RAB11FIP1: variants seen among roughly 807,000 people sequenced by gnomAD.
RAB11FIP1 encodes the protein RAB11 family interacting protein 1.
In RAB11FIP1, 49 loss-of-function variants were observed where a neutral mutation model predicts 83.1. The observed-to-expected ratio is 0.59, with a 90% CI of 0.47 to 0.75. The LOEUF (loss-of-function observed/expected upper bound fraction) is 0.75, where lower values mean the gene tolerates loss of function less well. Among genes scored for constraint, RAB11FIP1 ranks in the 30% least tolerant of loss-of-function variants. The pLI, the probability that RAB11FIP1 is intolerant of heterozygous loss-of-function variation, is 0.00. For synonymous variants in RAB11FIP1, 670 were observed against 656.0 expected, an observed-to-expected ratio of 1.02 and a Z score of -0.33; for missense variants, 1,536 against 1,598.7, an observed-to-expected ratio of 0.96 and a Z score of 0.67.
At position 37,872,157 on chromosome 8, in the gene RAB11FIP1, G is replaced by A. The variant is rs1369820329; in HGVS notation, c.2645C>T (p.Ala882Val). ...CTGGGAGGGGAGGAGGAGGTGATCCGCTGGGGAGGCTGGCGCACCACACGT... is the reference window on the plus strand; with the variant it reads ...CTGGGAGGGGAGGAGGAGGTGATCCACTGGGGAGGCTGGCGCACCACACGT... ...PATCGAPASP[A>V]DHLLLPSQEE... Residue 882 changes from alanine (A) to valine (V), a missense_variant, in exon 4 of 6, where the codon GCG (alanine) becomes GTG (valine). Ala to Val is a moderately conservative substitution (Grantham distance 64). Coordinates refer to ENST00000330843, the MANE Select transcript of RAB11FIP1 (RefSeq NM_001002814.3). 1.4e-5 allele frequency: 23 copies of A among 1,613,944 alleles called. No individual in the cohort carries two copies. The highest frequency in any genetic ancestry group is 6.7e-5 in the Admixed American group (4 of 60,006).
chr8:37,870,622 A>T, intron 4 of RAB11FIP1, 94 bp from the exon 5 acceptor site: 1 of 658,942 alleles, frequency 1.5e-6, no homozygotes, highest in East Asian at 2.8e-5. Flanking sequence ...AAGCCAGACA[A>T]GGGGCAGGTG....
chr8:37,865,819 A>G (rs532073817), intron 5 of RAB11FIP1, among the ~76,000 whole-genome samples: 1 of 152,246 alleles, frequency 6.6e-6, no homozygotes, highest in South Asian at 2.1e-4. Flanking sequence ...AATTTGTACA[A>G]TTATATATAA....
At chr8:37,863,322 T>A (rs1381574791) in intron 5 of RAB11FIP1, among the ~76,000 whole-genome samples, 1 of 152,148 alleles carries the variant, frequency 6.6e-6, no homozygotes, top group African/African-American at 2.4e-5. Context: ...CTCAGCTCAC[T>A]GCAACCTCCG....
intron 3 of RAB11FIP1, among the ~76,000 whole-genome samples, chr8:37,874,167 C>T (rs961428853): frequency 2.0e-5 from 3 of 152,218 alleles, no homozygotes; most frequent in Admixed American, 6.5e-5. Context: ...ATAAGAACTT[C>T]GAAAACACAG....
At chr8:37,893,924 T>C (rs573422179) in intron 1 of RAB11FIP1, among the ~76,000 whole-genome samples, 2 of 152,308 alleles carry the variant, frequency 1.3e-5, no homozygotes, top group East Asian at 3.9e-4. Flanking sequence ...ATATCTTCCA[T>C]GTCACCAGAA....
At chr8:37,896,181 G>A (rs1445147162) in intron 1 of RAB11FIP1, among the ~76,000 whole-genome samples, 4 of 151,856 alleles carry the variant, frequency 2.6e-5, no homozygotes, top group Non-Finnish European at 5.9e-5. Context: ...ATGGTGGCGG[G>A]TGCCTGTAAT....
chr8:37,895,116 A>T (rs1807037909), intron 1 of RAB11FIP1, among the ~76,000 whole-genome samples: 1 of 137,854 alleles, frequency 7.3e-6, no homozygotes, highest in South Asian at 2.3e-4. Flanking sequence ...CCCAAGCTGG[A>T]GTGCAGTAGC....
intron 1 of RAB11FIP1, among the ~76,000 whole-genome samples, chr8:37,886,164 G>A (rs1226051522): frequency 6.6e-6 from 1 of 152,164 alleles, no homozygotes; most frequent in South Asian, 2.1e-4. Flanking sequence ...AGAGAATGAG[G>A]AGGACTAAAA....
intron 1 of RAB11FIP1, among the ~76,000 whole-genome samples, chr8:37,894,243 C>T (rs1198769736): frequency 6.6e-6 from 1 of 152,150 alleles, no homozygotes; most frequent in Non-Finnish European, 1.5e-5. Flanking sequence ...AAAACAAACA[C>T]CCATTGCTTA....
chr8:37,882,549 T>A (rs1806750619), intron 1 of RAB11FIP1, among the ~76,000 whole-genome samples: 3 of 152,232 alleles, frequency 2.0e-5, no homozygotes, highest in Admixed American at 2.0e-4. Context: ...GCATAGTGCC[T>A]AGAGTGGAGG....
chr8:37,874,581 G>C lies in RAB11FIP1; in HGVS notation c.1556C>G (p.Ser519Cys). ...AATTGGAGGTCTCGGTTCAGACTTG[G>C]ACTCTGGCTCAGCTTCTGGTTCTGT... ...QITEPEAEPE[S>C]KSEPRPPISS... Residue 519 changes from serine to cysteine, a missense_variant, in exon 3 of 6, where the codon TCC (serine) becomes TGC (cysteine). By Grantham distance (112) the Ser-to-Cys change is moderately radical (BLOSUM62 -1). Coordinates refer to ENST00000330843, the MANE Select transcript of RAB11FIP1 (RefSeq NM_001002814.3). 1.2e-6 allele frequency: 2 copies of C among 1,614,206 alleles called. No individual in the cohort carries two copies. The highest frequency in any genetic ancestry group is 1.7e-6 in the Non-Finnish European group (2 of 1,180,034).
intron 3 of RAB11FIP1, 79 bp downstream of exon 3, chr8:37,874,436 C>T: frequency 8.8e-7 from 1 of 1,139,460 alleles, no homozygotes; most frequent in South Asian, 1.3e-5. Flanking sequence ...ATGGGACCCA[C>T]AAGAGCTGGT....
chr8:37,872,763 G>C lies in RAB11FIP1; in HGVS notation c.2039C>G (p.Thr680Arg). Residue 680 changes from threonine (T) to arginine (R), a missense_variant, in exon 4 of 6, where the codon ACA becomes AGA. By Grantham distance (71) the Thr-to-Arg change is moderately conservative. Coordinates refer to ENST00000330843, the MANE Select transcript of RAB11FIP1 (RefSeq NM_001002814.3). ...CTCAAGGCTGCTGGTGTTCTTCTCT[G>C]TGCCTGTCTCACGGGTCCTGCCCAT... ...SLMGRTRETG[T>R]EKNTSSLELE... 1 of 1,614,202 alleles carries C rather than the reference G, an allele frequency of 6.2e-7. No homozygotes were observed. Among genetic ancestry groups the C allele is most frequent in the South Asian group, 1.1e-5 (1 of 91,084 alleles).
At chr8:37,864,674 A>G (rs1273233639) in intron 5 of RAB11FIP1, among the ~76,000 whole-genome samples, 1 of 152,074 alleles carries the variant, frequency 6.6e-6, no homozygotes, top group Non-Finnish European at 1.5e-5. Context: ...CACAACACCA[A>G]CGTTTCCATA....
chr8:37,870,588 C>A, intron 4 of RAB11FIP1, 60 bp from the exon 5 acceptor site: 4 of 884,430 alleles, frequency 4.5e-6, no homozygotes, highest in African/African-American at 1.7e-5. Flanking sequence ...TGAGCAACTG[C>A]CCACTGCAAA....
rs141221103 is a variant in RAB11FIP1, at chr8:37,896,054, A to G, written c.371+3017T>C. On this transcript the variant is annotated intron_variant, in intron 1 of 5. Coordinates refer to ENST00000330843, the MANE Select transcript of RAB11FIP1 (RefSeq NM_001002814.3). ...GCCTGGCACGGTGGCTCACACCTATAATCCTAGCACTTTGGGAGGCTGAGG... is the reference window on the plus strand; with the variant it reads ...GCCTGGCACGGTGGCTCACACCTATGATCCTAGCACTTTGGGAGGCTGAGG... Among the ~76,000 whole-genome samples the G allele has an allele frequency of 8.3e-3, 1,262 of 152,264 alleles. 20 individuals carry two copies. The highest frequency in any genetic ancestry group is 0.029 in the African/African-American group (1,191 of 41,550).
intron 1 of RAB11FIP1, among the ~76,000 whole-genome samples, chr8:37,892,826 AC>A (rs1253683715): frequency 6.6e-6 from 1 of 151,886 alleles, no homozygotes; most frequent in Non-Finnish European, 1.5e-5. Context: ...TTACACAAGC[AC>A]GCCCCCACTT....
At chr8:37,882,790 T>C (rs924605732) in intron 1 of RAB11FIP1, among the ~76,000 whole-genome samples, 1 of 152,134 alleles carries the variant, frequency 6.6e-6, no homozygotes, top group African/African-American at 2.4e-5. Flanking sequence ...AAAGTATCAG[T>C]GAGGTTTTCT....
intron 5 of RAB11FIP1, among the ~76,000 whole-genome samples, chr8:37,868,346 C>T (rs767349831): frequency 4.7e-5 from 7 of 149,946 alleles, no homozygotes; most frequent in South Asian, 2.1e-4. Flanking sequence ...CCCTTGAACC[C>T]GGGAGGTGGA....
Sources: gnomAD v4.1 joint callset for allele counts (sites outside exome capture counted in the v4.1 genomes callset) on GRCh38, gnomAD v4.1.1 for gene constraint, MANE v1.5 for transcripts, NCBI Gene and HGNC (gene_info 2026-07-23, HGNC 2026-07-21) for gene names.